Variants in NPHP4 observed in about 807,000 individuals in gnomAD.
NPHP4 encodes nephrocystin 4.
A neutral mutation model predicts 155.8 loss-of-function variants in NPHP4; 151 were observed. The observed-to-expected ratio is 0.97, with a 90% CI of 0.85 to 1.11. NPHP4 has a LOEUF of 1.11. NPHP4 is among the 50% of genes least tolerant of loss of function. The probability of loss-of-function intolerance (pLI) is 0.00; values close to 1 mark genes in which losing one functional copy is unlikely to be tolerated. For missense variants in NPHP4, 1,956 were observed against 1,925.7 expected (o/e 1.02, Z -0.29); for synonymous variants, 845 against 816.8 (o/e 1.03, Z -0.59).
At chr1:5,903,986 G>T (rs937843719) in intron 16 of NPHP4, among the ~76,000 whole-genome samples, 4 of 152,182 alleles carry the variant, frequency 2.6e-5, no homozygotes, top group African/African-American at 9.7e-5. Context: ...CATGCATCTA[G>T]ATCTAACTCC....
chr1:5,965,155 A>G (rs895948860), intron 5 of NPHP4, among the ~76,000 whole-genome samples: 1 of 151,104 alleles, frequency 6.6e-6, no homozygotes, highest in African/African-American at 2.4e-5. Flanking sequence ...ATGGTCTCAA[A>G]CTCCTGGCCT....
intron 4 of NPHP4, among the ~76,000 whole-genome samples, chr1:5,968,863 G>A (rs374334421): frequency 6.6e-6 from 1 of 152,036 alleles, no homozygotes. Flanking sequence ...GCAAAACCCC[G>A]TCTCTACTAA....
intron 27 of NPHP4, chr1:5,864,787 C>T: frequency 1.9e-6 from 1 of 538,958 alleles, no homozygotes; most frequent in Non-Finnish European, 3.3e-6. Context: ...AAACCCCGGC[C>T]AGCTGGTGGC....
At chr1:5,936,027 T>C (rs1289614808) in intron 9 of NPHP4, among the ~76,000 whole-genome samples, 1 of 152,208 alleles carries the variant, frequency 6.6e-6, no homozygotes, top group African/African-American at 2.4e-5. Flanking sequence ...GTAAAATATG[T>C]ATCTACGTTT....
chr1:5,904,938 C>T, intron 15 of NPHP4, 134 bp from the exon 16 acceptor site: 1 of 816,256 alleles, frequency 1.2e-6, no homozygotes, highest in Non-Finnish European at 2.0e-6. Flanking sequence ...CCGTGGTCAC[C>T]AATGCAACCG....
intron 18 of NPHP4, chr1:5,881,256 C>A (rs1187993407): frequency 6.6e-6 from 1 of 152,250 alleles, no homozygotes; most frequent in Non-Finnish European, 1.5e-5. Context: ...GCTGGGAGCA[C>A]GCCCACGTGC....
chr1:5,894,327 G>A (rs1644287390), intron 16 of NPHP4, among the ~76,000 whole-genome samples: 1 of 152,130 alleles, frequency 6.6e-6, no homozygotes, highest in Admixed American at 6.5e-5. Context: ...AGTGGTGCAT[G>A]CCTGTAGCCC....
intron 16 of NPHP4, among the ~76,000 whole-genome samples, chr1:5,900,258 C>T (rs58640305): frequency 0.11 from 17,357 of 152,254 alleles, 1,235 homozygotes; most frequent in Non-Finnish European, 0.15. Context: ...ACCCTGTACA[C>T]AAATGTTTCT....
At chr1:5,935,387 A>G (rs1203504031) in intron 9 of NPHP4, among the ~76,000 whole-genome samples, 2 of 152,168 alleles carry the variant, frequency 1.3e-5, no homozygotes, top group Non-Finnish European at 2.9e-5. Flanking sequence ...AAACACCCAC[A>G]CCATGGAAGG....
At chr1:5,868,247 T>C (rs547775720) in intron 23 of NPHP4, 11 of 379,624 alleles carry the variant, frequency 2.9e-5, no homozygotes, top group South Asian at 1.8e-4. Flanking sequence ...CCCGACACCC[T>C]GTGTGCATGT....
intron 11 of NPHP4, among the ~76,000 whole-genome samples, chr1:5,916,871 A>G (rs1645500386): frequency 6.6e-6 from 1 of 152,264 alleles, no homozygotes; most frequent in Non-Finnish European, 1.5e-5. Flanking sequence ...TTCTAGAAGG[A>G]GGACAGGCTG....
intron 7 of NPHP4, among the ~76,000 whole-genome samples, chr1:5,950,970 C>G (rs1163955557): frequency 1.3e-5 from 2 of 152,198 alleles, no homozygotes; most frequent in Non-Finnish European, 2.9e-5. Context: ...TGCAGACAGC[C>G]TCCCACGGGA....
At chr1:5,898,614 G>C (rs1437068792) in intron 16 of NPHP4, among the ~76,000 whole-genome samples, 1 of 152,236 alleles carries the variant, frequency 6.6e-6, no homozygotes, top group Non-Finnish European at 1.5e-5. Flanking sequence ...TGGGAAGCTG[G>C]AACCAAGGCA....
At chr1:5,939,330 A>T (rs909463767) in intron 9 of NPHP4, among the ~76,000 whole-genome samples, 2 of 152,260 alleles carry the variant, frequency 1.3e-5, no homozygotes, top group Admixed American at 6.5e-5. Context: ...ACAAGCATCA[A>T]CTTGACAATG....
At chr1:5,914,793 T>C (rs1454397793) in intron 11 of NPHP4, among the ~76,000 whole-genome samples, 1 of 152,182 alleles carries the variant, frequency 6.6e-6, no homozygotes, top group Non-Finnish European at 1.5e-5. Context: ...CAGGGGCCTC[T>C]CAACATCAGG....
At chr1:5,981,064 T>C (rs867060623) in intron 2 of NPHP4, among the ~76,000 whole-genome samples, 16 of 152,154 alleles carry the variant, frequency 1.1e-4, no homozygotes, top group African/African-American at 2.7e-4. Context: ...AAGCCTGAAA[T>C]AGTCTGTTCC....
rs529030709 is a variant in NPHP4 at position 5,972,517 on chromosome 1, T to C, written c.280-3258A>G. On this transcript the variant is annotated intron_variant, in intron 3 of 29. Coordinates refer to ENST00000378156, the MANE Select transcript of NPHP4 (RefSeq NM_015102.5). ...TGGCTGAAAGGATAATACAACATCTTATCCATCTCTGCACTTCCAGCTCCT... is the reference window on the plus strand; with the variant it reads ...TGGCTGAAAGGATAATACAACATCTCATCCATCTCTGCACTTCCAGCTCCT... Among the ~76,000 whole-genome samples the C allele has an allele frequency of 3.2e-4, 48 of 152,274 alleles. No individual in the cohort carries two copies. In the South Asian group the frequency reaches 4.3e-3, roughly 14 times the overall value.
At chr1:5,868,418 C>T in intron 23 of NPHP4, 1 of 253,486 alleles carries the variant, frequency 3.9e-6, no homozygotes, top group Non-Finnish European at 7.8e-6. Context: ...AAGAGCTACT[C>T]ATTAAAAACC....
intron 2 of NPHP4, among the ~76,000 whole-genome samples, chr1:5,980,009 C>G (rs945699597): frequency 6.6e-6 from 1 of 152,124 alleles, no homozygotes; most frequent in African/African-American, 2.4e-5. Flanking sequence ...CCCCAGGAGT[C>G]CCACCCTCTG....
Sources: gnomAD v4.1 joint callset for allele counts (sites outside exome capture counted in the v4.1 genomes callset) on GRCh38, gnomAD v4.1.1 for gene constraint, MANE v1.5 for transcripts, NCBI Gene and HGNC (gene_info 2026-07-23, HGNC 2026-07-21) for gene names.